The following NAV1 variants were observed in gnomAD, a reference collection of about 807,000 sequenced individuals.
NAV1 encodes pore membrane and/or filament interacting like protein 3.
NAV1 carries 18 observed loss-of-function variants against 175.2 expected under a neutral mutation model. The ratio of observed to expected loss-of-function variants is 0.10; its 90% CI spans 0.07 to 0.15. The LOEUF is 0.15. Ranked by LOEUF, NAV1 falls within the 10% of genes least tolerant of loss-of-function variation. NAV1 has a pLI of 1.00. For synonymous variants in NAV1, 897 were observed against 978.7 expected (o/e 0.92, Z 1.56); for missense variants, 1,731 against 2,436.6 (o/e 0.71, Z 6.10).
At chr1:201,682,188 A>C (rs1558062517) in intron 1 of NAV1, among the ~76,000 whole-genome samples, 1 of 150,784 alleles carries the variant, frequency 6.6e-6, no homozygotes, top group Non-Finnish European at 1.5e-5. Context: ...TGGGAGGCTG[A>C]GGCACAAGAA....
In NAV1 at chr1:201,759,158, T is replaced by C. The variant is rs1674687220; in HGVS notation, c.1227-21263T>C. Among the ~76,000 whole-genome samples the C allele has an allele frequency of 1.3e-5, 2 of 152,254 alleles. 1 individual carries two copies. The highest frequency in any genetic ancestry group is 4.1e-4 in the South Asian group (2 of 4,832). On this transcript the variant is annotated intron_variant, in intron 3 of 29. Transcript: ENST00000367296. ...AAAAGATTAGATTATTTGCATTGATTAGCCTACATCTGGCAGCTCCACTAG... is the reference window on the plus strand; with the variant it reads ...AAAAGATTAGATTATTTGCATTGATCAGCCTACATCTGGCAGCTCCACTAG...
intron 1 of NAV1, among the ~76,000 whole-genome samples, chr1:201,678,985 T>C (rs965526692): frequency 2.0e-5 from 3 of 151,506 alleles, no homozygotes; most frequent in African/African-American, 7.3e-5. Context: ...GAGACAAAGG[T>C]CGGGGAGCCC....
chr1:201,635,480 G>A (rs781109589), intron 2 of NAV1, among the ~76,000 whole-genome samples: 6 of 152,180 alleles, frequency 3.9e-5, no homozygotes, highest in African/African-American at 1.4e-4. Flanking sequence ...GCTGTGCAGT[G>A]TACAACCTGT....
intron 2 of NAV1, among the ~76,000 whole-genome samples, chr1:201,594,480 T>C (rs1350683746): frequency 6.6e-6 from 1 of 152,162 alleles, no homozygotes; most frequent in Non-Finnish European, 1.5e-5. Flanking sequence ...GGACTTTGAG[T>C]AGCCAGAGGC....
At chr1:201,803,521 A>T (rs1186417546) in intron 15 of NAV1, 72 bp from the exon 20 acceptor site, 1 of 1,529,424 alleles carries the variant, frequency 6.5e-7, no homozygotes, top group Non-Finnish European at 8.9e-7. Flanking sequence ...ATCTTCTGCC[A>T]CTAGACTTGC....
chr1:201,610,817 G>A (rs1667822917), intron 2 of NAV1, among the ~76,000 whole-genome samples: 1 of 152,156 alleles, frequency 6.6e-6, no homozygotes, highest in African/African-American at 2.4e-5. Context: ...TTAACGATCT[G>A]ATCTTACCTG....
intron 1 of NAV1, among the ~76,000 whole-genome samples, chr1:201,565,507 C>A (rs974110119): frequency 6.6e-6 from 1 of 152,180 alleles, no homozygotes. Context: ...GCATGGGGCC[C>A]GGCCCATGGC....
chr1:201,618,403 A>G (rs1184847047), upstream of NAV1, among the ~76,000 whole-genome samples: 2 of 152,180 alleles, frequency 1.3e-5, no homozygotes, highest in African/African-American at 2.4e-5. Flanking sequence ...GATCTCCAGC[A>G]TGTTGGGAGA....
In NAV1 at chr1:201,776,198, T is replaced by C. The variant is rs1040826803; in HGVS notation, c.1227-4223T>C. Among the ~76,000 whole-genome samples, 7 of 151,600 alleles carry C rather than the reference T, an allele frequency of 4.6e-5. No homozygotes were observed. The East Asian group carries it at 9.8e-4, about 21-fold the overall frequency. The stretch of plus-strand genomic sequence containing the variant: ...AAAACTTAATAGAAAGGATGGAAGA[T>C]AAAATTGAGGCCATTGCTCAAAAAG... On this transcript the variant is annotated intron_variant, in intron 3 of 29. Transcript: ENST00000367296.
chr1:201,718,064 G>A lies in NAV1; in HGVS notation c.861-326G>A, dbSNP rs1219634071. Among the ~76,000 whole-genome samples, 1 of 152,180 alleles carries A rather than the reference G, an allele frequency of 6.6e-6. No individual in the cohort carries two copies. The highest frequency in any genetic ancestry group is 6.5e-5 in the Admixed American group (1 of 15,286). ...TACAGATGGGGAAACTGAAGCTTTA[G>A]TTATTTACTTTCCTTGGGCTCCTTT... is the stretch of plus-strand genomic sequence containing the variant. On this transcript the variant is annotated intron_variant, in intron 2 of 29. Transcript: ENST00000367296. This position sits in a 1 kb window ranked among gnomAD's most constrained non-coding sequence, Gnocchi z 4.8.
chr1:201,824,996 T>A (rs534640866), exon 30 of NAV1: 1 of 152,330 alleles, frequency 6.6e-6, no homozygotes, highest in Admixed American at 6.5e-5. Context: ...TGAGAGGCTT[T>A]GGGGCCCAAA....
intron 15 of NAV1, 175 bp downstream of exon 19, chr1:201,794,752 A>C (rs1022622740): frequency 1.9e-5 from 12 of 630,946 alleles, no homozygotes; most frequent in African/African-American, 1.8e-4. Context: ...TACCAGGGGC[A>C]TGACCCCAGC....
At chr1:201,576,766 C>G (rs1373749036) in intron 1 of NAV1, among the ~76,000 whole-genome samples, 1 of 152,136 alleles carries the variant, frequency 6.6e-6, no homozygotes, top group Non-Finnish European at 1.5e-5. Flanking sequence ...TATGAATGAT[C>G]CAGTTTCTCT....
At chr1:201,691,585 A>C (rs1670946518) in intron 1 of NAV1, among the ~76,000 whole-genome samples, 1 of 152,236 alleles carries the variant, frequency 6.6e-6, no homozygotes, top group South Asian at 2.1e-4. Context: ...CATCAGCAAA[A>C]GCTCAGAGGT....
chr1:201,690,326 A>AGT, intron 1 of NAV1, among the ~76,000 whole-genome samples: 1 of 79,020 alleles, frequency 1.3e-5, no homozygotes, highest in African/African-American at 4.1e-5. Flanking sequence ...CTGTCCATGC[A>AGT]GTGTGTGTCT....
intron 2 of NAV1, among the ~76,000 whole-genome samples, chr1:201,632,068 A>G (rs113687601): frequency 1.1e-3 from 166 of 151,982 alleles, no homozygotes; most frequent in African/African-American, 3.8e-3. Context: ...TCCTTTCCCA[A>G]TGTGCTTCTC....
At chr1:201,652,579 G>A (rs950033421) in intron 1 of NAV1, among the ~76,000 whole-genome samples, 1 of 152,202 alleles carries the variant, frequency 6.6e-6, no homozygotes, top group Non-Finnish European at 1.5e-5. Context: ...TGGGTCTGGG[G>A]GCTAAGCTGG....
In NAV1 at chr1:201,813,632, A is replaced by G. The variant is rs890018244; in HGVS notation, c.5340+374A>G. 6.6e-6 allele frequency among the ~76,000 whole-genome samples: 1 copy of G among 151,964 alleles called. No individual in the cohort carries two copies. ...TACTTACTACTAATAAGTATGTTAT[A>G]TTAACCAAGTTACTTGACCTTTTTA... On this transcript the variant is annotated intron_variant, in intron 28 of 29. Coordinates refer to ENST00000367296, the Ensembl canonical transcript of NAV1. The surrounding 1 kb of genome is among the most constrained non-coding windows in gnomAD (Gnocchi z 4.2).
intron 1 of NAV1, among the ~76,000 whole-genome samples, chr1:201,709,889 C>A (rs886507084): frequency 5.9e-5 from 9 of 152,194 alleles, no homozygotes; most frequent in African/African-American, 1.9e-4. Flanking sequence ...GGACCTCAGC[C>A]TCCCAGCTCT....
Sources: allele counts gnomAD v4.1 joint callset (sites outside exome capture counted in the v4.1 genomes callset), GRCh38; gene constraint gnomAD v4.1.1; non-coding constraint Gnocchi (gnomAD v3.1); transcripts MANE v1.5; gene names NCBI Gene and HGNC (gene_info 2026-07-23, HGNC 2026-07-21).